CNKSR2: variants seen among roughly 807,000 people sequenced by gnomAD.
CNKSR2 encodes the protein connector enhancer of kinase suppressor of Ras 2.
In CNKSR2, 14 loss-of-function variants were observed where a neutral mutation model predicts 84.4. That is an observed-to-expected ratio of 0.17 (90% confidence interval 0.11 to 0.26). The LOEUF is 0.26. Among genes scored for constraint, CNKSR2 ranks in the 10% least tolerant of loss-of-function variants. The pLI, the probability that CNKSR2 is intolerant of heterozygous loss-of-function variation, is 1.00. For missense variants in CNKSR2, 485 were observed against 771.2 expected (o/e 0.63, Z 4.40); for synonymous variants, 275 against 277.9 (o/e 0.99, Z 0.10).
chrX:21,563,697 T>G (rs918318470), intron 13 of CNKSR2, among the ~76,000 whole-genome samples: 1 of 111,829 alleles, frequency 8.9e-6, no homozygotes, highest in Non-Finnish European at 1.9e-5. Flanking sequence ...ACAAAATTGA[T>G]GGAGAACAAT....
chrX:21,649,918 G>A (rs763024482), intron 21 of CNKSR2, among the ~76,000 whole-genome samples: 1 of 112,208 alleles, frequency 8.9e-6, no homozygotes, highest in Non-Finnish European at 1.9e-5. Context: ...TAAAAAGTCA[G>A]GAAACAACAG....
intron 4 of CNKSR2, among the ~76,000 whole-genome samples, chrX:21,453,962 G>A (rs970586046): frequency 3.9e-4 from 44 of 111,861 alleles, no homozygotes; most frequent in African/African-American, 1.4e-3. Flanking sequence ...CATCCCACCA[G>A]GCACCTCCTC....
intron 1 of CNKSR2, among the ~76,000 whole-genome samples, chrX:21,414,558 C>T (rs768441180): frequency 2.7e-5 from 3 of 110,544 alleles, no homozygotes; most frequent in Non-Finnish European, 5.7e-5. Flanking sequence ...CTTTGCTGTG[C>T]AGAAGCAAAG....
At chrX:21,444,883 G>A (rs753462091) in intron 4 of CNKSR2, among the ~76,000 whole-genome samples, 1 of 111,138 alleles carries the variant, frequency 9.0e-6, no homozygotes, top group South Asian at 3.7e-4. Flanking sequence ...ATGTAATACA[G>A]AAATTAATTT....
At chrX:21,611,080 C>T (rs981002489) in intron 20 of CNKSR2, among the ~76,000 whole-genome samples, 7 of 112,196 alleles carry the variant, frequency 6.2e-5, no homozygotes, top group Admixed American at 3.8e-4. Context: ...TCAACATTCA[C>T]ATCTATCAGA....
At chrX:21,584,395 C>CA (rs1322327193) in intron 13 of CNKSR2, among the ~76,000 whole-genome samples, 1 of 112,321 alleles carries the variant, frequency 8.9e-6, no homozygotes, top group Non-Finnish European at 1.9e-5. Flanking sequence ...TTACTCTAGG[C>CA]AGAGGACAAA....
Position 21,594,961 on chromosome X carries a change from C to A in CNKSR2, c.1831-13C>A, listed in dbSNP as rs1161232190. Reference sequence around the variant, plus strand: ...TGTATATAATAAACTAACCAAGAGTCTTGGCTCTTCAGGATGAAAAAGCAG... The same window carrying A: ...TGTATATAATAAACTAACCAAGAGTATTGGCTCTTCAGGATGAAAAAGCAG... On this transcript the variant is annotated splice_polypyrimidine_tract_variant and intron_variant, in intron 15 of 21. Coordinates refer to ENST00000379510, the MANE Select transcript of CNKSR2 (RefSeq NM_014927.5). 8.4e-7 allele frequency: 1 copy of A among 1,192,865 alleles called. No homozygotes were observed. Among genetic ancestry groups the A allele is most frequent in the East Asian group, 3.0e-5 (1 of 33,594 alleles).
chrX:21,454,674 T>C (rs1252745612), intron 4 of CNKSR2, among the ~76,000 whole-genome samples: 1 of 112,417 alleles, frequency 8.9e-6, no homozygotes, highest in Middle Eastern at 4.2e-3. Context: ...GACGTGAAGA[T>C]CAAGTTATTC....
intron 5 of CNKSR2, among the ~76,000 whole-genome samples, chrX:21,483,307 A>C (rs1030933614): frequency 1.8e-5 from 2 of 110,774 alleles, no homozygotes; most frequent in Non-Finnish European, 3.8e-5. Context: ...TCAGCAAACT[A>C]TCACAAGGAC....
At chrX:21,634,151 C>T (rs754653385) in intron 20 of CNKSR2, among the ~76,000 whole-genome samples, 16 of 111,772 alleles carry the variant, frequency 1.4e-4, no homozygotes, top group Non-Finnish European at 2.8e-4. Flanking sequence ...AGGCAGATGA[C>T]TTAACAATGG....
chrX:21,462,306 GATT>G (rs1188160650), intron 4 of CNKSR2, among the ~76,000 whole-genome samples: 1 of 111,744 alleles, frequency 8.9e-6, no homozygotes, highest in Non-Finnish European at 1.9e-5. Flanking sequence ...TTGAAAATGG[GATT>G]ATTTTTGTTT....
chrX:21,534,887 A>T (rs1286960753), intron 11 of CNKSR2, among the ~76,000 whole-genome samples: 1 of 111,001 alleles, frequency 9.0e-6, no homozygotes, highest in Admixed American at 9.6e-5. Context: ...TTTTAGTTTG[A>T]TATAATCCCG....
intron 4 of CNKSR2, among the ~76,000 whole-genome samples, chrX:21,463,905 C>T (rs1403067491): frequency 8.9e-6 from 1 of 111,765 alleles, no homozygotes; most frequent in Non-Finnish European, 1.9e-5. Flanking sequence ...ACGAGCTATG[C>T]AACCTGGGGT....
At chrX:21,434,151 A>C (rs1238669514) in intron 3 of CNKSR2, among the ~76,000 whole-genome samples, 1 of 110,647 alleles carries the variant, frequency 9.0e-6, no homozygotes, top group African/African-American at 3.3e-5. Context: ...ATCTTCTTTT[A>C]CTCTCATTTT....
chrX:21,433,136 T>C (rs1433698489), intron 3 of CNKSR2, among the ~76,000 whole-genome samples: 1 of 111,759 alleles, frequency 8.9e-6, no homozygotes, highest in Admixed American at 9.6e-5. Flanking sequence ...TGTCCTGATG[T>C]TCTTTATTCA....
At chrX:21,420,236 G>C (rs1231392442) in intron 1 of CNKSR2, among the ~76,000 whole-genome samples, 2 of 112,345 alleles carry the variant, frequency 1.8e-5, no homozygotes, top group East Asian at 5.7e-4. Flanking sequence ...AAGGCCTGAG[G>C]TCTCTTCAAT....
chrX:21,545,879 C>T (rs1417735420), intron 11 of CNKSR2, among the ~76,000 whole-genome samples: 1 of 112,036 alleles, frequency 8.9e-6, no homozygotes, highest in East Asian at 2.8e-4. Context: ...ATAGCATCAA[C>T]ATCAACAAAA....
At chrX:21,474,902 A>C (rs1231070993) in intron 5 of CNKSR2, among the ~76,000 whole-genome samples, 1 of 112,166 alleles carries the variant, frequency 8.9e-6, no homozygotes, top group Non-Finnish European at 1.9e-5. Flanking sequence ...TATGCAACAG[A>C]CTTAATGTTG....
At chrX:21,531,394 A>G (rs1008004937) in intron 10 of CNKSR2, among the ~76,000 whole-genome samples, 1 of 111,319 alleles carries the variant, frequency 9.0e-6, no homozygotes, top group East Asian at 2.8e-4. Context: ...AACTGGCAGA[A>G]GAAAGCATTA....
Sources: gnomAD v4.1 joint callset for allele counts (sites outside exome capture counted in the v4.1 genomes callset) on GRCh38, gnomAD v4.1.1 for gene constraint, MANE v1.5 for transcripts, NCBI Gene and HGNC (gene_info 2026-07-23, HGNC 2026-07-21) for gene names.